DOCK10: variants seen among roughly 807,000 people sequenced by gnomAD.
DOCK10 encodes the protein dedicator of cytokinesis 10.
A neutral mutation model predicts 280.1 loss-of-function variants in DOCK10; 145 were observed. The observed-to-expected ratio is 0.52, with a 90% CI of 0.45 to 0.59. DOCK10 has a LOEUF of 0.59. DOCK10 is among the 20% of genes least tolerant of loss of function. The pLI is 0.00. For missense variants in DOCK10, 2,368 were observed against 2,651.7 expected, an observed-to-expected ratio of 0.89 and a Z score of 2.35; for synonymous variants, 915 against 942.2, an observed-to-expected ratio of 0.97 and a Z score of 0.53.
At position 224,845,304 on chromosome 2, in the gene DOCK10, G is replaced by C; in HGVS notation, c.2380C>G (p.Leu794Val). 6.3e-7 allele frequency: 1 copy of C among 1,591,490 alleles called. No homozygotes were observed. Among genetic ancestry groups the C allele is most frequent in the Non-Finnish European group, 8.6e-7 (1 of 1,167,798 alleles). Residue 794 changes from leucine to valine, a missense_variant, in exon 21 of 56, where the codon CTG becomes GTG. Leu to Val is a conservative substitution (Grantham distance 32, BLOSUM62 1). Coordinates refer to ENST00000258390, the MANE Select transcript of DOCK10 (RefSeq NM_014689.3). ...ETSVGYAWLP[L>V]MKHDQIASQE... ...GAAGCTATCTGATCGTGTTTCATCA[G>C]AGGAAGCCAAGCATATCCAACTGTG...
At chr2:225,032,770 A>G (rs1690116876) in intron 1 of DOCK10, among the ~76,000 whole-genome samples, 1 of 152,218 alleles carries the variant, frequency 6.6e-6, no homozygotes, top group South Asian at 2.1e-4. Flanking sequence ...GAATAATTTA[A>G]TTATCATATT....
At chr2:224,961,413 T>C (rs1450657949) in intron 1 of DOCK10, among the ~76,000 whole-genome samples, 1 of 5,830 alleles carries the variant, frequency 1.7e-4, no homozygotes, top group African/African-American at 6.4e-4. Context: ...TCTTTCTTTC[T>C]CTTTCTTTCT....
intron 39 of DOCK10, among the ~76,000 whole-genome samples, chr2:224,802,351 G>T (rs1263619869): frequency 6.6e-6 from 1 of 152,068 alleles, no homozygotes; most frequent in Non-Finnish European, 1.5e-5. Context: ...TGTTAAGTTG[G>T]CTACTGGCTG....
intron 1 of DOCK10, among the ~76,000 whole-genome samples, chr2:225,039,806 G>A (rs1690367749): frequency 6.6e-6 from 1 of 152,056 alleles, no homozygotes; most frequent in African/African-American, 2.4e-5. Flanking sequence ...CAAACCCTAT[G>A]GCAATCTTTT....
At chr2:224,908,415 T>TTGTG (rs57986119) in intron 3 of DOCK10, among the ~76,000 whole-genome samples, 2,978 of 141,144 alleles carry the variant, frequency 0.021, 85 homozygotes, top group African/African-American at 0.066. Context: ...TCATCATCGT[T>TTGTG]TGTGTGTGTG....
intron 3 of DOCK10, among the ~76,000 whole-genome samples, chr2:224,913,203 CA>C (rs1274577103): frequency 6.6e-6 from 1 of 152,108 alleles, no homozygotes; most frequent in Non-Finnish European, 1.5e-5. Flanking sequence ...AATTACATTT[CA>C]AAAGTTACAG....
intron 1 of DOCK10, among the ~76,000 whole-genome samples, chr2:224,960,887 G>C (rs369967443): frequency 0.01 from 1,563 of 151,864 alleles, 26 homozygotes; most frequent in African/African-American, 0.036. Flanking sequence ...CTACAGGCGC[G>C]CGCCACCGCG....
At chr2:224,955,602 A>C (rs1038858441) in intron 1 of DOCK10, among the ~76,000 whole-genome samples, 1 of 152,262 alleles carries the variant, frequency 6.6e-6, no homozygotes, top group Admixed American at 6.5e-5. Context: ...GATAAAGCTA[A>C]TACAATACTT....
intron 11 of DOCK10, among the ~76,000 whole-genome samples, chr2:224,867,107 C>CACAA (rs1491164567): frequency 2.0e-5 from 3 of 150,802 alleles, no homozygotes; most frequent in African/African-American, 7.4e-5. Flanking sequence ...CACACACACA[C>CACAA]AAAATTTATT....
Sources: allele counts gnomAD v4.1 joint callset (sites outside exome capture counted in the v4.1 genomes callset), GRCh38; gene constraint gnomAD v4.1.1; transcripts MANE v1.5; gene names NCBI Gene and HGNC (gene_info 2026-07-23, HGNC 2026-07-21).